The following GCKR variants were observed in gnomAD, a reference collection of about 807,000 sequenced individuals.
GCKR encodes glucokinase regulatory protein.
GCKR carries 73 observed loss-of-function variants against 82.9 expected under a neutral mutation model. The ratio of observed to expected loss-of-function variants is 0.88; its 90% CI spans 0.73 to 1.07. GCKR has a LOEUF of 1.07. Among genes scored for constraint, GCKR ranks in the 50% least tolerant of loss-of-function variants. The probability of loss-of-function intolerance (pLI) is 0.00; values close to 1 mark genes in which losing one functional copy is unlikely to be tolerated. For synonymous variants in GCKR, 294 were observed against 291.8 expected (o/e 1.01, Z -0.08); for missense variants, 784 against 782.1 (o/e 1.00, Z -0.03).
rs1572864411 is a variant in GCKR at position 27,505,745 on chromosome 2, A to G, written c.778A>G (p.Met260Val). 6.2e-7 allele frequency: 1 copy of G among 1,611,490 alleles called. No individual in the cohort carries two copies. The highest frequency in any genetic ancestry group is 8.5e-7 in the Non-Finnish European group (1 of 1,177,714). ...CGAGGGTCTCAGCGGCTCCTCCCGG[A>G]TGAAAGGTGGAAGTGCCACCAAGAT... Reference protein sequence around the residue: ...GPEGLSGSSRMKGGSATKILL... With the variant: ...GPEGLSGSSRVKGGSATKILL... Residue 260 changes from methionine to valine, a missense_variant, in exon 10 of 19, where the codon ATG becomes GTG. Physicochemically the swap from Met to Val is conservative, Grantham distance 21. Transcript: ENST00000264717.
At chr2:27,520,819 T>C (rs1006062797) in intron 17 of GCKR, among the ~76,000 whole-genome samples, 1 of 151,708 alleles carries the variant, frequency 6.6e-6, no homozygotes, top group Admixed American at 6.6e-5. Context: ...GCAGATCACT[T>C]GAGGTCAGGA....
At chr2:27,507,210 C>T (rs775754958) in intron 12 of GCKR, 25 bp from the exon 13 acceptor site, 7 of 1,516,386 alleles carry the variant, frequency 4.6e-6, no homozygotes, top group Non-Finnish European at 6.4e-6. Context: ...AATCACTCCT[C>T]TCTCCTTGTT....
intron 16 of GCKR, 132 bp downstream of exon 16, chr2:27,508,383 A>G: frequency 2.8e-6 from 2 of 705,330 alleles, no homozygotes; most frequent in Admixed American, 2.1e-5. Flanking sequence ...CAGCTGGGCA[A>G]GGTCATGGGT....
intron 16 of GCKR, among the ~76,000 whole-genome samples, chr2:27,511,298 G>T (rs921261905): frequency 1.3e-5 from 2 of 152,136 alleles, no homozygotes; most frequent in African/African-American, 4.8e-5. Flanking sequence ...GAAGTGCTGG[G>T]ATTACAGGAG....
At chr2:27,518,723 C>T (rs1202825477) in intron 16 of GCKR, 65 bp from the exon 17 acceptor site, 3 of 1,286,072 alleles carry the variant, frequency 2.3e-6, no homozygotes, top group East Asian at 2.3e-5. Context: ...ATAACAGGGC[C>T]CTGTTCACTC....
At position 27,523,568 on chromosome 2, in the gene GCKR, G is replaced by T; in HGVS notation, c.*129G>T. ...GTTTCCAGGGCATCCGCAGCCCAGG[G>T]TAGGGAGAAATATTCTCTCCACTTT... On this transcript the variant is annotated 3_prime_UTR_variant, in exon 19 of 19. Coordinates refer to ENST00000264717, the MANE Select transcript of GCKR (RefSeq NM_001486.4). The T allele has an allele frequency of 1.1e-6, 1 of 883,870 alleles. No individual in the cohort carries two copies. The highest frequency in any genetic ancestry group is 1.8e-6 in the Non-Finnish European group (1 of 550,706). 54.8% of individuals were successfully genotyped at this position (883,870 alleles called of 1,614,324 possible). A position where few individuals can be genotyped will look rare whatever the true frequency, so the allele number is the denominator to read the frequency against.
At chr2:27,506,229 C>T (rs1383263673) in intron 10 of GCKR, among the ~76,000 whole-genome samples, 1 of 152,174 alleles carries the variant, frequency 6.6e-6, no homozygotes, top group Non-Finnish European at 1.5e-5. Context: ...TTCCCAGTGG[C>T]TCTCAGATCC....
At chr2:27,501,112 C>G in intron 7 of GCKR, 23 bp from the exon 8 acceptor site, 1 of 1,535,652 alleles carries the variant, frequency 6.5e-7, no homozygotes, top group Non-Finnish European at 9.0e-7. Context: ...CCTCATCATG[C>G]CCTTCTCTCT....
chr2:27,507,323 A>G lies in GCKR; in HGVS notation c.1143+12A>G, dbSNP rs969547576. 2 of 1,574,670 alleles carry G rather than the reference A, an allele frequency of 1.3e-6. No individual in the cohort carries two copies. Among genetic ancestry groups the G allele is most frequent in the African/African-American group, 1.3e-5 (1 of 74,208 alleles). ...AGCTCACCAACCAGGTCGGAGAAGA[A>G]CAGGACTTGGGGAAGCTGGGGAGAC... On this transcript the variant is annotated intron_variant, in intron 13 of 18. Coordinates refer to ENST00000264717, the MANE Select transcript of GCKR (RefSeq NM_001486.4).
At chr2:27,516,511 T>TC (rs151200397) in intron 16 of GCKR, among the ~76,000 whole-genome samples, 11,324 of 151,864 alleles carry the variant, frequency 0.075, 544 homozygotes, top group African/African-American at 0.14. Flanking sequence ...GCCAGGCTGG[T>TC]CTCAAACTCC....
chr2:27,501,089 A>C (rs370863767), intron 7 of GCKR, 46 bp from the exon 8 acceptor site: 57 of 1,297,202 alleles, frequency 4.4e-5, no homozygotes, highest in Non-Finnish European at 6.0e-5. Flanking sequence ...GGCACCACTC[A>C]GAGTAATGAC....
chr2:27,501,420 G>C (rs1669574275), intron 8 of GCKR, among the ~76,000 whole-genome samples, 191 bp downstream of exon 8: 1 of 152,182 alleles, frequency 6.6e-6, no homozygotes. Context: ...TTCTCTTCTT[G>C]TTTCAGAAAG....
At chr2:27,499,613 G>A (rs1479857814) in intron 7 of GCKR, among the ~76,000 whole-genome samples, 163 bp downstream of exon 7, 3 of 152,244 alleles carry the variant, frequency 2.0e-5, no homozygotes, top group Non-Finnish European at 4.4e-5. Flanking sequence ...TTGTGTGAAT[G>A]TGGGAAGATG....
intron 16 of GCKR, among the ~76,000 whole-genome samples, chr2:27,510,950 A>G (rs750389856): frequency 6.6e-6 from 1 of 151,472 alleles, no homozygotes; most frequent in Admixed American, 6.6e-5. Flanking sequence ...GAGACATTTT[A>G]TTTAAAATGT....
chr2:27,502,411 T>C (rs1669607451), intron 8 of GCKR, among the ~76,000 whole-genome samples: 1 of 152,206 alleles, frequency 6.6e-6, no homozygotes, highest in East Asian at 1.9e-4. Context: ...TTCAGAGTCA[T>C]CTGGGAAGCT....
intron 16 of GCKR, among the ~76,000 whole-genome samples, chr2:27,514,037 G>T (rs1669947560): frequency 6.6e-6 from 1 of 151,714 alleles, no homozygotes; most frequent in Admixed American, 6.6e-5. Context: ...CAGCCCTGGA[G>T]TCAGTCATTT....
chr2:27,515,825 G>A (rs186058570), intron 16 of GCKR, among the ~76,000 whole-genome samples: 3 of 145,268 alleles, frequency 2.1e-5, no homozygotes, highest in Non-Finnish European at 4.5e-5. Context: ...GTGCAGTGAT[G>A]TGATCAGATT....
In GCKR at chr2:27,518,910, C is replaced by T; in HGVS notation, c.1545C>T (p.Leu515=). The T allele has an allele frequency of 6.4e-7, 1 of 1,556,760 alleles. No individual in the cohort carries two copies. Among genetic ancestry groups the T allele is most frequent in the Non-Finnish European group, 8.7e-7 (1 of 1,144,026 alleles). The change falls in exon 17 of 19, where the codon CTC becomes CTT. Residue 515 remains leucine (L), a synonymous_variant. Transcript: ENST00000264717. ...ACCTTCGGATTAGCAACTCCAAGCTCTTCTGGCGGGCGCTGGCCATGCTGC... is the reference window on the plus strand; with the variant it reads ...ACCTTCGGATTAGCAACTCCAAGCTTTTCTGGCGGGCGCTGGCCATGCTGC... ...MLDLRISNSK[L]FWRALAMLQR...
At chr2:27,507,806 G>T (rs758087181) in intron 14 of GCKR, 29 bp downstream of exon 14, 5 of 1,336,352 alleles carry the variant, frequency 3.7e-6, no homozygotes, top group Non-Finnish European at 1.1e-6. Flanking sequence ...GTGGTGAGGG[G>T]TGGGGAGGGG....
Sources: allele counts gnomAD v4.1 joint callset (sites outside exome capture counted in the v4.1 genomes callset), GRCh38; gene constraint gnomAD v4.1.1; transcripts MANE v1.5; gene names NCBI Gene and HGNC (gene_info 2026-07-23, HGNC 2026-07-21).